Variants in ST6GALNAC3 observed in about 807,000 individuals in gnomAD.
ST6GALNAC3 encodes alpha-N-acetylgalactosaminide alpha-2,6-sialyltransferase 3.
In ST6GALNAC3, 25 loss-of-function variants were observed where a neutral mutation model predicts 32.7. That is an observed-to-expected ratio of 0.76 (90% CI 0.56 to 1.07). The LOEUF (loss-of-function observed/expected upper bound fraction) is 1.07, where lower values mean the gene tolerates loss of function less well. Among genes scored for constraint, ST6GALNAC3 ranks in the 50% least tolerant of loss-of-function variants. The pLI, the probability that ST6GALNAC3 is intolerant of heterozygous loss-of-function variation, is 0.00. For synonymous variants in ST6GALNAC3, 129 were observed against 133.1 expected (o/e 0.97, Z 0.21); for missense variants, 355 against 382.4 (o/e 0.93, Z 0.60).
intron 3 of ST6GALNAC3, among the ~76,000 whole-genome samples, chr1:76,510,782 AC>A (rs1661806835): frequency 6.6e-6 from 1 of 152,186 alleles, no homozygotes; most frequent in African/African-American, 2.4e-5. Context: ...AAATTAGCCT[AC>A]GGTTGGACAA....
intron 3 of ST6GALNAC3, among the ~76,000 whole-genome samples, chr1:76,513,170 C>T (rs1343361424): frequency 6.6e-6 from 1 of 151,974 alleles, no homozygotes; most frequent in Non-Finnish European, 1.5e-5. Flanking sequence ...GCTTTTGTGT[C>T]CTATGCTTTT....
intron 1 of ST6GALNAC3, among the ~76,000 whole-genome samples, chr1:76,261,487 A>G (rs568526149): frequency 6.6e-6 from 1 of 152,360 alleles, no homozygotes; most frequent in Admixed American, 6.5e-5. Flanking sequence ...AGAGCCATCC[A>G]GTAGCCATTC....
At chr1:76,140,344 A>G (rs1476978633) in intron 1 of ST6GALNAC3, among the ~76,000 whole-genome samples, 1 of 152,196 alleles carries the variant, frequency 6.6e-6, no homozygotes, top group African/African-American at 2.4e-5. Flanking sequence ...GAAGGAAGGA[A>G]GGCCATTCTT....
At chr1:76,494,468 T>TATATATATATATAC (rs1472545640) in intron 3 of ST6GALNAC3, among the ~76,000 whole-genome samples, 4 of 59,526 alleles carry the variant, frequency 6.7e-5, no homozygotes, top group Non-Finnish European at 8.8e-5. Context: ...TATATATATA[T>TATATATATATATAC]ACACACACAC....
At chr1:76,522,596 A>G (rs928949271) in intron 3 of ST6GALNAC3, among the ~76,000 whole-genome samples, 1 of 152,092 alleles carries the variant, frequency 6.6e-6, no homozygotes, top group Non-Finnish European at 1.5e-5. Context: ...AAGACATAAC[A>G]CTTTTTATTT....
At chr1:76,096,913 TAG>T (rs1379701983) in intron 1 of ST6GALNAC3, among the ~76,000 whole-genome samples, 5 of 151,072 alleles carry the variant, frequency 3.3e-5, no homozygotes, top group Admixed American at 6.6e-5. Context: ...GAGGAAGTCA[TAG>T]AGCTTTTTTT....
intron 1 of ST6GALNAC3, among the ~76,000 whole-genome samples, chr1:76,264,420 A>C (rs567059967): frequency 6.6e-6 from 1 of 152,218 alleles, no homozygotes; most frequent in East Asian, 1.9e-4. Flanking sequence ...CACGTCTGCC[A>C]TATGCACTTA....
At chr1:76,589,122 G>A (rs167557) in intron 3 of ST6GALNAC3, among the ~76,000 whole-genome samples, 58,973 of 151,896 alleles carry the variant, frequency 0.39, 12,752 homozygotes, top group African/African-American at 0.6. Context: ...GTCTCTGTGC[G>A]GCTCTGAATA....
At chr1:76,619,307 A>T (rs963713033) in intron 3 of ST6GALNAC3, among the ~76,000 whole-genome samples, 1 of 152,160 alleles carries the variant, frequency 6.6e-6, no homozygotes, top group Non-Finnish European at 1.5e-5. Context: ...ACGTTTATGT[A>T]AAAACTGTTT....
intron 3 of ST6GALNAC3, among the ~76,000 whole-genome samples, chr1:76,423,422 A>G (rs912944625): frequency 1.1e-4 from 16 of 151,944 alleles, no homozygotes; most frequent in Admixed American, 2.6e-4. Context: ...CATTTATTGT[A>G]TGCTTTTTTT....
intron 1 of ST6GALNAC3, among the ~76,000 whole-genome samples, chr1:76,248,165 A>G (rs1388558605): frequency 6.6e-6 from 1 of 152,010 alleles, no homozygotes; most frequent in African/African-American, 2.4e-5. Context: ...ACCCATTGAG[A>G]TGAACTGGGT....
At chr1:76,430,591 C>G (rs1404793806) in intron 3 of ST6GALNAC3, among the ~76,000 whole-genome samples, 1 of 152,184 alleles carries the variant, frequency 6.6e-6, no homozygotes, top group African/African-American at 2.4e-5. Flanking sequence ...ATGCAGCTCT[C>G]TCTAACAGCC....
At chr1:76,241,358 A>G (rs1656955233) in intron 1 of ST6GALNAC3, among the ~76,000 whole-genome samples, 1 of 152,216 alleles carries the variant, frequency 6.6e-6, no homozygotes, top group Non-Finnish European at 1.5e-5. Flanking sequence ...CATGGTGGAA[A>G]GTGAAGCAGA....
chr1:76,564,825 C>T (rs1398687187), intron 3 of ST6GALNAC3, among the ~76,000 whole-genome samples: 2 of 151,984 alleles, frequency 1.3e-5, no homozygotes, highest in East Asian at 1.9e-4. Flanking sequence ...CCTCAAGATC[C>T]GCCTGCTTCG....
intron 2 of ST6GALNAC3, among the ~76,000 whole-genome samples, chr1:76,404,110 C>T (rs1653635003): frequency 6.6e-6 from 1 of 151,920 alleles, no homozygotes; most frequent in South Asian, 2.1e-4. Context: ...CATTTTTATG[C>T]ACCCCCATAT....
intron 2 of ST6GALNAC3, among the ~76,000 whole-genome samples, chr1:76,369,284 C>G (rs1180180950): frequency 6.6e-6 from 1 of 152,126 alleles, no homozygotes; most frequent in Non-Finnish European, 1.5e-5. Context: ...TCAACATGCT[C>G]AGGTATCACT....
At chr1:76,369,450 A>C (rs1480927809) in intron 2 of ST6GALNAC3, among the ~76,000 whole-genome samples, 1 of 152,200 alleles carries the variant, frequency 6.6e-6, no homozygotes, top group African/African-American at 2.4e-5. Flanking sequence ...AACTTAATTG[A>C]ACCTTGTGGT....
At chr1:76,443,318 A>T (rs12079890) in intron 3 of ST6GALNAC3, among the ~76,000 whole-genome samples, 2,052 of 152,224 alleles carry the variant, frequency 0.013, 37 homozygotes, top group African/African-American at 0.042. Flanking sequence ...TGTGTTATCT[A>T]TGGATAAACT....
At chr1:76,607,644 G>T (rs1428149562) in intron 3 of ST6GALNAC3, among the ~76,000 whole-genome samples, 1 of 152,156 alleles carries the variant, frequency 6.6e-6, no homozygotes, top group Non-Finnish European at 1.5e-5. Flanking sequence ...CTCTGCCGGG[G>T]ATTTGGGACA....
Sources: allele counts gnomAD v4.1 joint callset (sites outside exome capture counted in the v4.1 genomes callset), GRCh38; gene constraint gnomAD v4.1.1; transcripts MANE v1.5; gene names NCBI Gene and HGNC (gene_info 2026-07-23, HGNC 2026-07-21).